Variants in ANKH observed in about 807,000 individuals in gnomAD.
ANKH encodes mineralization regulator ANKH.
Under a neutral mutation model 49.0 loss-of-function variants are expected in ANKH, and 15 were observed. The observed-to-expected ratio is 0.31, with a 90% confidence interval of 0.20 to 0.47. The LOEUF is 0.47. Among genes scored for constraint, ANKH ranks in the 20% least tolerant of loss-of-function variants. The probability of loss-of-function intolerance (pLI) is 1.00; values close to 1 mark genes in which losing one functional copy is unlikely to be tolerated. For missense variants in ANKH, 429 were observed against 652.0 expected (o/e 0.66, Z 3.72); for synonymous variants, 273 against 260.0 (o/e 1.05, Z -0.48).
At chr5:14,835,250 A>G (rs1320957785) in intron 1 of ANKH, among the ~76,000 whole-genome samples, 1 of 152,166 alleles carries the variant, frequency 6.6e-6, no homozygotes, top group Non-Finnish European at 1.5e-5. Flanking sequence ...TTCTGTTGAG[A>G]CTGAAAGAGA....
At chr5:14,816,724 G>C (rs765586098) in intron 1 of ANKH, among the ~76,000 whole-genome samples, 3 of 152,148 alleles carry the variant, frequency 2.0e-5, no homozygotes, top group Non-Finnish European at 2.9e-5. Context: ...TCTGTAACAG[G>C]TTGGTCTGGC....
At chr5:14,757,307 T>TA (rs573719038) in intron 3 of ANKH, among the ~76,000 whole-genome samples, 77 of 151,134 alleles carry the variant, frequency 5.1e-4, no homozygotes, top group Admixed American at 1.2e-3. Flanking sequence ...GTGGGGGTGG[T>TA]AAAAAAAACT....
chr5:14,800,041 T>C (rs555163054), intron 1 of ANKH, among the ~76,000 whole-genome samples: 5 of 152,060 alleles, frequency 3.3e-5, no homozygotes, highest in Admixed American at 2.6e-4. Flanking sequence ...TTAACAGTCG[T>C]TTGGAAGAAG....
At position 14,713,237 on chromosome 5, in the gene ANKH, G is replaced by T. The variant is rs564803392; in HGVS notation, c.1266-264C>A. Among the ~76,000 whole-genome samples, 1 of 152,092 alleles carries T rather than the reference G, an allele frequency of 6.6e-6. No homozygotes were observed. Among genetic ancestry groups the T allele is most frequent in the African/African-American group, 2.4e-5 (1 of 41,428 alleles). ...CCAGGACGCTGGGAGCTCCCTGAGC[G>T]CAGGGACCATGTCCTTCTCTTCTGG... On this transcript the variant is annotated intron_variant, in intron 10 of 11. Coordinates refer to ENST00000284268, the MANE Select transcript of ANKH (RefSeq NM_054027.6). This position sits in a 1 kb window ranked among gnomAD's most constrained non-coding sequence, Gnocchi z 4.4.
intron 1 of ANKH, among the ~76,000 whole-genome samples, chr5:14,820,826 A>C (rs1410154258): frequency 2.0e-5 from 3 of 152,242 alleles, no homozygotes; most frequent in African/African-American, 4.8e-5. Flanking sequence ...AGCCAGGTGC[A>C]GTGGCTTATG....
chr5:14,733,251 G>T (rs149133862), intron 8 of ANKH, among the ~76,000 whole-genome samples: 3 of 152,262 alleles, frequency 2.0e-5, no homozygotes, highest in Non-Finnish European at 4.4e-5. Context: ...CTTGTACTGG[G>T]CTCAGAAGAT....
At chr5:14,739,510 T>C (rs553520957) in intron 8 of ANKH, among the ~76,000 whole-genome samples, 18 of 152,354 alleles carry the variant, frequency 1.2e-4, no homozygotes, top group South Asian at 2.1e-4. Context: ...GATCAATTGA[T>C]TGAATCATCA....
intron 8 of ANKH, among the ~76,000 whole-genome samples, chr5:14,727,262 T>C (rs1221853252): frequency 6.6e-6 from 1 of 152,142 alleles, no homozygotes; most frequent in Non-Finnish European, 1.5e-5. Context: ...ATAATTATTA[T>C]AAATCTTGAA....
intron 1 of ANKH, among the ~76,000 whole-genome samples, chr5:14,816,627 A>G (rs1016839013): frequency 3.9e-5 from 6 of 152,142 alleles, no homozygotes; most frequent in African/African-American, 1.4e-4. Flanking sequence ...TTATTTGGGC[A>G]TCAATATTTT....
Position 14,871,358 on chromosome 5 carries a change from C to T in ANKH, c.90G>A (p.Gly30=), listed in dbSNP as rs762063944. 14 of 1,612,300 alleles carry T rather than the reference C, an allele frequency of 8.7e-6. No homozygotes were observed. The highest frequency in any genetic ancestry group is 3.3e-4 in the Middle Eastern group (2 of 6,058). ...LGITNIAIDF[G]EQALNRGIAA... The stretch of plus-strand genomic sequence containing the variant: ...GCGCGGGGCCGGGGCTTACCTGCTC[C>T]CCGAAGTCGATGGCTATGTTGGTGA... Residue 30 remains glycine (G), a synonymous_variant, in exon 1 of 12, where the codon GGG becomes GGA. Transcript: ENST00000284268.
intron 9 of ANKH, among the ~76,000 whole-genome samples, chr5:14,714,149 C>A (rs1389928226): frequency 6.6e-6 from 1 of 152,238 alleles, no homozygotes; most frequent in Non-Finnish European, 1.5e-5. Flanking sequence ...AGCTGCTCGT[C>A]CCCACTTCCC....
At chr5:14,835,403 G>A (rs925716700) in intron 1 of ANKH, among the ~76,000 whole-genome samples, 6 of 152,104 alleles carry the variant, frequency 3.9e-5, no homozygotes, top group Non-Finnish European at 7.4e-5. Context: ...AATGCTTCCC[G>A]AGTTCAGCAC....
chr5:14,771,937 A>AAAAAAAAAAAC (rs1561048116), intron 1 of ANKH, among the ~76,000 whole-genome samples: 26 of 140,378 alleles, frequency 1.9e-4, no homozygotes, highest in African/African-American at 2.4e-4. Context: ...AAAAAAAAAA[A>AAAAAAAAAAAC]AAAAAAAAAA....
chr5:14,759,094 T>C (rs749661004), intron 2 of ANKH, among the ~76,000 whole-genome samples: 1 of 152,202 alleles, frequency 6.6e-6, no homozygotes, highest in Non-Finnish European at 1.5e-5. Context: ...TAAGAGAAAA[T>C]TTCTAGATGT....
At chr5:14,802,538 C>G (rs1235703029) in intron 1 of ANKH, among the ~76,000 whole-genome samples, 4 of 152,152 alleles carry the variant, frequency 2.6e-5, no homozygotes, top group Non-Finnish European at 5.9e-5. Context: ...GACCCTGTCT[C>G]TCCTCCACAG....
rs183128112 is a variant in ANKH, at chr5:14,713,219, G to A, written c.1266-246C>T. Among the ~76,000 whole-genome samples, 6 of 152,182 alleles carry A rather than the reference G, an allele frequency of 3.9e-5. No individual in the cohort carries two copies. Among genetic ancestry groups the A allele is most frequent in the East Asian group, 1.9e-4 (1 of 5,150 alleles). ...CAGCCCTTCCCACCCTCCCCAGGAC[G>A]CTGGGAGCTCCCTGAGCGCAGGGAC... is the stretch of plus-strand genomic sequence containing the variant. On this transcript the variant is annotated intron_variant, in intron 10 of 11. Transcript: ENST00000284268. This position sits in a 1 kb window ranked among gnomAD's most constrained non-coding sequence, Gnocchi z 4.4.
intron 1 of ANKH, among the ~76,000 whole-genome samples, chr5:14,844,005 C>T (rs940835346): frequency 3.9e-5 from 6 of 152,104 alleles, no homozygotes; most frequent in East Asian, 1.9e-4. Context: ...AGGGAAAAAC[C>T]GTGTTCCTGC....
intron 8 of ANKH, chr5:14,717,162 C>G (rs1737499786): frequency 2.9e-6 from 1 of 343,528 alleles, no homozygotes; most frequent in Non-Finnish European, 5.6e-6. Context: ...AAGGAGAGTG[C>G]CAAACAGCTC....
intron 1 of ANKH, among the ~76,000 whole-genome samples, chr5:14,805,807 GGGTA>G (rs1229169426): frequency 2.0e-5 from 3 of 151,978 alleles, no homozygotes; most frequent in African/African-American, 7.3e-5. Context: ...TGCCACTCGA[GGGTA>G]TGACCAGTCT....
Sources: allele counts gnomAD v4.1 joint callset (sites outside exome capture counted in the v4.1 genomes callset), GRCh38; gene constraint gnomAD v4.1.1; non-coding constraint Gnocchi (gnomAD v3.1); transcripts MANE v1.5; gene names NCBI Gene and HGNC (gene_info 2026-07-23, HGNC 2026-07-21).